Variants in SMYD3 observed in about 807,000 individuals in gnomAD.
SMYD3 encodes SET and MYND domain containing 3.
A neutral mutation model predicts 57.7 loss-of-function variants in SMYD3; 36 were observed. The ratio of observed to expected loss-of-function variants is 0.62; its 90% CI spans 0.48 to 0.82. The LOEUF is 0.82. SMYD3 is among the 40% of genes least tolerant of loss of function. SMYD3 has a pLI of 0.00. For synonymous variants in SMYD3, 211 were observed against 195.0 expected (o/e 1.08, Z -0.68); for missense variants, 515 against 538.8 (o/e 0.96, Z 0.44).
intron 5 of SMYD3, among the ~76,000 whole-genome samples, chr1:246,199,025 A>G (rs1558309413): frequency 1.3e-5 from 2 of 152,126 alleles, no homozygotes; most frequent in African/African-American, 4.8e-5. Context: ...ATACATGGGT[A>G]TGTAGTGTGG....
At chr1:246,290,534 T>G (rs1300931206) in intron 5 of SMYD3, among the ~76,000 whole-genome samples, 4 of 152,216 alleles carry the variant, frequency 2.6e-5, no homozygotes, top group African/African-American at 9.7e-5. Flanking sequence ...AAGGCTTAAC[T>G]TTCGAGTGTG....
Position 246,381,862 on chromosome 1 carries a change from G to A in SMYD3, c.165-26768C>T, listed in dbSNP as rs35201711. ...AACCGCAGGCTCCAGGCCAGCTCCT[G>A]TAGCCCCAGACCCCTCCAGCTGACA... is the stretch of plus-strand genomic sequence containing the variant. On this transcript the variant is annotated intron_variant, in intron 1 of 11. Coordinates refer to ENST00000490107, the MANE Select transcript of SMYD3 (RefSeq NM_001167740.2). 3.9e-3 allele frequency among the ~76,000 whole-genome samples: 569 copies of A among 145,904 alleles called. 7 individuals are homozygous for A. Among genetic ancestry groups the A allele is most frequent in the Non-Finnish European group, 5.6e-3 (368 of 66,132 alleles).
intron 1 of SMYD3, among the ~76,000 whole-genome samples, chr1:246,403,663 T>A (rs965120533): frequency 6.6e-6 from 1 of 152,176 alleles, no homozygotes; most frequent in African/African-American, 2.4e-5. Flanking sequence ...AGAGGTCCAC[T>A]GACAGAAAAA....
At chr1:246,427,540 A>AAAAT (rs2067239090) in intron 1 of SMYD3, among the ~76,000 whole-genome samples, 1 of 149,994 alleles carries the variant, frequency 6.7e-6, no homozygotes, top group Non-Finnish European at 1.5e-5. Flanking sequence ...AAAATAAAAA[A>AAAAT]AAATAAATGT....
In SMYD3 at chr1:245,767,458, A is replaced by T. The variant is rs2046164582; in HGVS notation, c.1077-3309T>A. On this transcript the variant is annotated intron_variant, in intron 10 of 11. Coordinates refer to ENST00000490107, the MANE Select transcript of SMYD3 (RefSeq NM_001167740.2). The stretch of plus-strand genomic sequence containing the variant: ...TAGAAAGGCATGTGACAGCCACCTG[A>T]CCAGGGCACAGTCCTGGTCAATATG... Among the ~76,000 whole-genome samples, 4 of 152,206 alleles carry T rather than the reference A, an allele frequency of 2.6e-5. No individual in the cohort carries two copies. The South Asian group carries it at 6.2e-4, about 24-fold the overall frequency.
intron 10 of SMYD3, among the ~76,000 whole-genome samples, chr1:245,798,479 A>C (rs1163701249): frequency 4.1e-4 from 32 of 78,620 alleles, no homozygotes; most frequent in African/African-American, 5.7e-4. Context: ...CACATACACA[A>C]CACACCACAC....
At chr1:246,252,395 G>A (rs955801265) in intron 5 of SMYD3, among the ~76,000 whole-genome samples, 1 of 152,194 alleles carries the variant, frequency 6.6e-6, no homozygotes, top group Non-Finnish European at 1.5e-5. Context: ...GATAGAAACT[G>A]TTATTATAAC....
At chr1:246,493,597 C>T (rs1323114419) in intron 1 of SMYD3, among the ~76,000 whole-genome samples, 4 of 152,182 alleles carry the variant, frequency 2.6e-5, no homozygotes, top group African/African-American at 9.7e-5. Context: ...TCTTTTGCTG[C>T]CTAACTTACT....
chr1:245,939,097 C>G (rs934689203), intron 5 of SMYD3, among the ~76,000 whole-genome samples: 1 of 151,504 alleles, frequency 6.6e-6, no homozygotes, highest in South Asian at 2.1e-4. Context: ...GAGCCAAGAT[C>G]ACACCACTGC....
At chr1:245,923,120 T>G (rs1346782747) in intron 7 of SMYD3, among the ~76,000 whole-genome samples, 1 of 152,160 alleles carries the variant, frequency 6.6e-6, no homozygotes, top group Non-Finnish European at 1.5e-5. Flanking sequence ...AAACTCACAC[T>G]ACAGCAACAG....
chr1:245,837,345 C>T (rs951133248), intron 10 of SMYD3, among the ~76,000 whole-genome samples: 4 of 151,962 alleles, frequency 2.6e-5, no homozygotes, highest in African/African-American at 9.7e-5. Flanking sequence ...TGCAGGGCAT[C>T]CTCCCTGTTT....
At position 245,955,114 on chromosome 1, in the gene SMYD3, T is replaced by TTG. The variant is rs370549124; in HGVS notation, c.532-25179_532-25178dup. ...TGTGGTGTTTTGTTTTTGTTTTTGT[T>TTG]TGAGTCTCGCTCTGTCGCCCAGGCT... is the stretch of plus-strand genomic sequence containing the variant. On this transcript the variant is annotated intron_variant, in intron 5 of 11. Transcript: ENST00000490107. Among the ~76,000 whole-genome samples, 493 of 152,288 alleles carry TTG rather than the reference T, an allele frequency of 3.2e-3. 2 individuals carry two copies. The highest frequency in any genetic ancestry group is 0.011 in the African/African-American group (475 of 41,566).
intron 1 of SMYD3, among the ~76,000 whole-genome samples, chr1:246,473,681 A>C (rs1263421538): frequency 6.6e-6 from 1 of 152,220 alleles, no homozygotes. Context: ...TGTTATTATT[A>C]TGACTTACTG....
intron 1 of SMYD3, among the ~76,000 whole-genome samples, chr1:246,389,958 CAA>C (rs2066531712): frequency 6.6e-6 from 1 of 152,114 alleles, no homozygotes; most frequent in African/African-American, 2.4e-5. Context: ...GGGCTGTCTG[CAA>C]AAGCCAGTAT....
intron 5 of SMYD3, among the ~76,000 whole-genome samples, chr1:246,226,664 C>A (rs948474153): frequency 2.0e-5 from 3 of 152,130 alleles, no homozygotes. Context: ...TAGAGTGGAA[C>A]TGGGAAACAG....
At chr1:245,911,330 C>T (rs933019379) in intron 8 of SMYD3, among the ~76,000 whole-genome samples, 3 of 151,968 alleles carry the variant, frequency 2.0e-5, no homozygotes, top group Non-Finnish European at 4.4e-5. Flanking sequence ...ACTACAAACG[C>T]AACTACCATA....
intron 5 of SMYD3, among the ~76,000 whole-genome samples, chr1:246,317,989 G>A (rs1384213809): frequency 6.6e-6 from 1 of 152,164 alleles, no homozygotes; most frequent in Non-Finnish European, 1.5e-5. Context: ...CTATGAGTCA[G>A]AGCTATCAAG....
intron 11 of SMYD3, among the ~76,000 whole-genome samples, chr1:245,754,291 C>T (rs1341113311): frequency 1.3e-5 from 2 of 151,938 alleles, no homozygotes; most frequent in African/African-American, 4.8e-5. Flanking sequence ...TATCAAGGAT[C>T]TCAAACAGTT....
At chr1:245,814,334 G>A (rs2048665846) in intron 10 of SMYD3, 1 of 978,120 alleles carries the variant, frequency 1.0e-6, no homozygotes, top group African/African-American at 1.8e-5. Context: ...GAAAATTAAG[G>A]TAGATACCTG....
Sources: gnomAD v4.1 joint callset for allele counts (sites outside exome capture counted in the v4.1 genomes callset) on GRCh38, gnomAD v4.1.1 for gene constraint, MANE v1.5 for transcripts, NCBI Gene and HGNC (gene_info 2026-07-23, HGNC 2026-07-21) for gene names.